The following PARN variants were observed in gnomAD, a reference collection of about 807,000 sequenced individuals.
The protein encoded by PARN is poly(A)-specific ribonuclease PARN.
In PARN, 71 loss-of-function variants were observed where a neutral mutation model predicts 102.8. That is an observed-to-expected ratio of 0.69 (90% CI 0.57 to 0.84). The LOEUF (loss-of-function observed/expected upper bound fraction) is 0.84, where lower values mean the gene tolerates loss of function less well. Among genes scored for constraint, PARN ranks in the 40% least tolerant of loss-of-function variants. The pLI is 0.00. For synonymous variants in PARN, 261 were observed against 252.9 expected (o/e 1.03, Z -0.30); for missense variants, 782 against 760.9 (o/e 1.03, Z -0.33).
chr16:14,573,394 A>G (rs1362856726), intron 18 of PARN, among the ~76,000 whole-genome samples: 4 of 152,210 alleles, frequency 2.6e-5, no homozygotes, highest in Non-Finnish European at 5.9e-5. Context: ...ACCATGCTGT[A>G]TAACATATCT....
rs1197394430 is a variant in PARN, at chr16:14,555,653, C to CG, written c.1318_1318+1insC (p.Leu440SerfsTer4). The CG allele has an allele frequency of 7.3e-7, 1 of 1,376,556 alleles. No individual in the cohort carries two copies. 85.3% of individuals were successfully genotyped at this position (1,376,556 alleles called of 1,614,324 possible). On this transcript the variant is annotated frameshift_variant and splice_region_variant. Coordinates refer to ENST00000437198, the MANE Select transcript of PARN (RefSeq NM_002582.4). LOFTEE classifies it high-confidence loss of function. Reference sequence around the variant, plus strand: ...CAATAAGAAAATAAAAATTTACTTACAGTCTGGTCCTTCCAAGTTTAGATA... The same window carrying CG: ...CAATAAGAAAATAAAAATTTACTTACGAGTCTGGTCCTTCCAAGTTTAGATA...
At position 14,610,661 on chromosome 16, in the gene PARN, CTTCTT is replaced by C. The variant is rs1971470772; in HGVS notation, c.532_536del (p.Lys178ValfsTer3). The C allele has an allele frequency of 6.2e-7, 1 of 1,609,506 alleles. No homozygotes were observed. Among genetic ancestry groups the C allele is most frequent in the African/African-American group, 1.3e-5 (1 of 74,824 alleles). On this transcript the variant is annotated frameshift_variant, in exon 7 of 24. Coordinates refer to ENST00000437198, the MANE Select transcript of PARN (RefSeq NM_002582.4). LOFTEE classifies it high-confidence loss of function. ...GAACTTACACCACTTGGTCAATAAA[CTTCTT>C]TTGATCCTCAGGAATCGTGACAGGA...
At chr16:14,457,797 CAAAAAAA>C (rs35170336) in intron 22 of PARN, among the ~76,000 whole-genome samples, 20 of 30,156 alleles carry the variant, frequency 6.6e-4, no homozygotes, top group East Asian at 4.1e-3. Flanking sequence ...GACTCTGTCT[CAAAAAAA>C]AAAAAAAAAA....
At chr16:14,609,978 G>A (rs1417648544) in intron 7 of PARN, among the ~76,000 whole-genome samples, 1 of 152,196 alleles carries the variant, frequency 6.6e-6, no homozygotes, top group Non-Finnish European at 1.5e-5. Context: ...CTGGGAGGCT[G>A]AGGCAGGAAG....
At chr16:14,479,144 CCTGGTGGCTCATACCTATAATACTAA>C (rs1390605096) in intron 22 of PARN, among the ~76,000 whole-genome samples, 2 of 152,126 alleles carry the variant, frequency 1.3e-5, no homozygotes, top group African/African-American at 4.8e-5. Context: ...CCAGGCCAGG[CCTGGTGGCTCATACCTATAATACTAA>C]CACTTTAGGA....
At chr16:14,612,980 T>A (rs1165095154) in intron 6 of PARN, among the ~76,000 whole-genome samples, 1 of 151,952 alleles carries the variant, frequency 6.6e-6, no homozygotes, top group African/African-American at 2.4e-5. Flanking sequence ...GGTGTTGAGA[T>A]ATACATTTAG....
chr16:14,547,092 C>CA (rs753738742), intron 21 of PARN, among the ~76,000 whole-genome samples: 165 of 91,502 alleles, frequency 1.8e-3, no homozygotes, highest in Middle Eastern at 7.0e-3. Context: ...GACCCTGTCT[C>CA]AAAAAAAAAA....
At chr16:14,526,284 C>A (rs1167467420) in intron 21 of PARN, among the ~76,000 whole-genome samples, 1 of 151,692 alleles carries the variant, frequency 6.6e-6, no homozygotes, top group Non-Finnish European at 1.5e-5. Context: ...TCACGCCATT[C>A]TCCTGCCTCA....
intron 22 of PARN, among the ~76,000 whole-genome samples, chr16:14,452,962 ATG>A (rs1567288088): frequency 2.0e-5 from 3 of 152,284 alleles, no homozygotes; most frequent in South Asian, 4.1e-4. Flanking sequence ...ACTGCTGTGC[ATG>A]TGTGTGTATG....
intron 13 of PARN, among the ~76,000 whole-genome samples, chr16:14,591,314 C>T (rs1249091025): frequency 1.3e-5 from 2 of 151,904 alleles, no homozygotes; most frequent in Non-Finnish European, 2.9e-5. Flanking sequence ...ACACTTGAAC[C>T]TCGGAGGCGG....
At chr16:14,550,811 A>T (rs1283666514) in intron 21 of PARN, among the ~76,000 whole-genome samples, 2 of 152,244 alleles carry the variant, frequency 1.3e-5, no homozygotes, top group African/African-American at 4.8e-5. Context: ...AATTTACTTG[A>T]ATATACAGCT....
chr16:14,572,217 G>A (rs960757281), intron 18 of PARN, among the ~76,000 whole-genome samples: 1 of 152,134 alleles, frequency 6.6e-6, no homozygotes, highest in Non-Finnish European at 1.5e-5. Context: ...GACACACGGG[G>A]TCCCTTAACA....
chr16:14,584,212 C>T (rs1031384128), intron 16 of PARN, 135 bp downstream of exon 16: 9 of 553,692 alleles, frequency 1.6e-5, no homozygotes, highest in East Asian at 6.0e-5. Flanking sequence ...ATTCAACACA[C>T]GGTACGTGCA....
chr16:14,599,918 C>T lies in PARN; in HGVS notation c.826G>A (p.Ala276Thr), dbSNP rs185509128. The part of the protein sequence containing the change: ...DAVGFSRVIH[A>T]IANSGKLVIG... ...GGCTCACTTACCGAATTAGCAATGG[C>T]GTGAATGACTCTAGAAAATCCCACA... Residue 276 changes from alanine (A) to threonine (T), a missense_variant, in exon 12 of 24, where the codon GCC becomes ACC. By Grantham distance (58) the Ala-to-Thr change is moderately conservative. Coordinates refer to ENST00000437198, the MANE Select transcript of PARN (RefSeq NM_002582.4). 3.1e-6 allele frequency: 5 copies of T among 1,602,246 alleles called. No homozygotes were observed. Among genetic ancestry groups the T allele is most frequent in the South Asian group, 2.2e-5 (2 of 89,422 alleles).
At chr16:14,461,902 G>A (rs1681972711) in intron 22 of PARN, among the ~76,000 whole-genome samples, 1 of 152,222 alleles carries the variant, frequency 6.6e-6, no homozygotes, top group Non-Finnish European at 1.5e-5. Context: ...TGAATGTGCA[G>A]ACACACAGAC....
intron 19 of PARN, 29 bp downstream of exon 19, chr16:14,555,625 A>T: frequency 9.3e-7 from 1 of 1,078,238 alleles, no homozygotes; most frequent in Non-Finnish European, 1.4e-6. Flanking sequence ...AAATGCACAG[A>T]TGCAATAAGA....
intron 22 of PARN, among the ~76,000 whole-genome samples, chr16:14,476,545 G>A (rs984248292): frequency 7.9e-5 from 12 of 152,130 alleles, no homozygotes; most frequent in Admixed American, 5.9e-4. Context: ...TAAATGAATG[G>A]GGGGCTGGGC....
At chr16:14,593,119 G>A (rs546105116) in intron 13 of PARN, among the ~76,000 whole-genome samples, 182 bp downstream of exon 13, 4 of 152,156 alleles carry the variant, frequency 2.6e-5, no homozygotes, top group African/African-American at 9.6e-5. Context: ...GCAACAGAGT[G>A]AGAATACATC....
At chr16:14,575,864 C>G (rs890434682) in intron 18 of PARN, among the ~76,000 whole-genome samples, 1 of 152,114 alleles carries the variant, frequency 6.6e-6, no homozygotes, top group Non-Finnish European at 1.5e-5. Context: ...TAGGAGGAAC[C>G]CGGTGGGAGG....
Sources: gnomAD v4.1 joint callset for allele counts (sites outside exome capture counted in the v4.1 genomes callset) on GRCh38, gnomAD v4.1.1 for gene constraint, MANE v1.5 for transcripts, NCBI Gene and HGNC (gene_info 2026-07-23, HGNC 2026-07-21) for gene names.